GFAP: variants seen among roughly 807,000 people sequenced by gnomAD.
GFAP encodes the protein glial fibrillary acidic protein, also known as intermediate filament protein.
A neutral mutation model predicts 49.3 loss-of-function variants in GFAP; 38 were observed. That is an observed-to-expected ratio of 0.77 (90% CI 0.60 to 1.01). GFAP has a LOEUF of 1.01. GFAP is among the 50% of genes least tolerant of loss of function. The pLI is 0.00. For missense variants in GFAP, 463 were observed against 579.1 expected, an observed-to-expected ratio of 0.80 and a Z score of 2.06; for synonymous variants, 222 against 236.4, an observed-to-expected ratio of 0.94 and a Z score of 0.56.
chr17:44,910,310 G>T, intron 7 of GFAP: 1 of 1,613,730 alleles, frequency 6.2e-7, no homozygotes, highest in Non-Finnish European at 8.5e-7. Context: ...ACTCAGAAGG[G>T]CAGTGCTTGC....
chr17:44,908,487 T>G, intron 7 of GFAP: 1 of 191,768 alleles, frequency 5.2e-6, no homozygotes, highest in Non-Finnish European at 1.1e-5. Context: ...GCCATCATTT[T>G]GGGAGGCTGA....
At position 44,904,426 on chromosome 17, in the gene GFAP, C is replaced by T. The variant is rs1366770674; in HGVS notation, c.*2921G>A. On this transcript the variant is annotated 3_prime_UTR_variant, in exon 9 of 9. Coordinates refer to ENST00000588735, the MANE Select transcript of GFAP (RefSeq NM_002055.5). ...GCCTCTGCTACCTGCAGAGCCCAGA[C>T]CTCTCCCCACGCTACCTCAAGGCCG... The T allele has an allele frequency of 7.8e-6, 12 of 1,541,852 alleles. No individual in the cohort carries two copies. The East Asian group carries it at 1.7e-4, about 22-fold the overall frequency.
rs922255682 is a variant in GFAP, at chr17:44,904,553, C to T, written c.*2794G>A. ...GGTGCTGGTTCGGAGCTGCTTAGTA[C>T]CCTGTGAGAAGACAAAGACCATCCG... On this transcript the variant is annotated 3_prime_UTR_variant, in exon 9 of 9. Coordinates refer to ENST00000588735, the MANE Select transcript of GFAP (RefSeq NM_002055.5). 4 of 1,550,588 alleles carry T rather than the reference C, an allele frequency of 2.6e-6. No homozygotes were observed. Among genetic ancestry groups the T allele is most frequent in the Non-Finnish European group, 3.5e-6 (4 of 1,146,994 alleles).
At chr17:44,910,686 C>A (rs746445591) in intron 6 of GFAP, 28 bp from the exon 7 acceptor site, 11 of 1,578,178 alleles carry the variant, frequency 7.0e-6, no homozygotes, top group Non-Finnish European at 9.5e-6. Context: ...GAGAGGGCTG[C>A]CCGGGCTGCC....
At chr17:44,911,499 C>G (rs569574525) in intron 5 of GFAP, 43 bp from the exon 6 acceptor site, 1 of 1,567,294 alleles carries the variant, frequency 6.4e-7, no homozygotes. Flanking sequence ...CCCGACCCGA[C>G]TTGGGGAGGT....
Position 44,911,234 on chromosome 17 carries a change from A to G in GFAP, c.1127+2T>C. Reference sequence around the variant, plus strand: ...TCCCCAGGGGCTGTGATGAGGGCTCACCGGTTCTCCTCGCCCTCTAGCAGC... The same window carrying G: ...TCCCCAGGGGCTGTGATGAGGGCTCGCCGGTTCTCCTCGCCCTCTAGCAGC... On this transcript the variant is annotated splice_donor_variant, in intron 6 of 8. Transcript: ENST00000588735. LOFTEE classifies it high-confidence loss of function. 1 of 1,613,158 alleles carries G rather than the reference A, an allele frequency of 6.2e-7. No individual in the cohort carries two copies. Among genetic ancestry groups the G allele is most frequent in the Non-Finnish European group, 8.5e-7 (1 of 1,179,380 alleles).
At chr17:44,910,718 C>G in intron 6 of GFAP, 60 bp from the exon 7 acceptor site, 1 of 1,559,440 alleles carries the variant, frequency 6.4e-7, no homozygotes, top group Non-Finnish European at 8.7e-7. Flanking sequence ...TAGGCTGGGT[C>G]TTGGTGCGGG....
rs752589889 is a variant in GFAP, at chr17:44,915,103, A to G, written c.384T>C (p.Asp128=). 54 of 1,613,398 alleles carry G rather than the reference A, an allele frequency of 3.3e-5. No individual in the cohort carries two copies. Among genetic ancestry groups the G allele is most frequent in the Non-Finnish European group, 4.4e-5 (52 of 1,179,996 alleles). ...AELRELRLRL[D]QLTANSARLE... ...GCCGGGCGCTGTTGGCGGTGAGTTG[A>G]TCGAGCCGCAGCCGCAGCTCTCGCA... Residue 128 remains aspartate, a synonymous_variant, in exon 1 of 9, where the codon GAT becomes GAC. Transcript: ENST00000588735. This position sits in a 1 kb window ranked among gnomAD's most constrained non-coding sequence, Gnocchi z 4.1.
At chr17:44,909,856 A>G in intron 7 of GFAP, 1 of 1,267,688 alleles carries the variant, frequency 7.9e-7, no homozygotes, top group South Asian at 2.0e-5. Context: ...TGACAGGAAG[A>G]GGTGAGACAG....
chr17:44,910,746 A>G, intron 6 of GFAP, 88 bp from the exon 7 acceptor site: 1 of 1,536,222 alleles, frequency 6.5e-7, no homozygotes, highest in South Asian at 1.2e-5. Flanking sequence ...TGACAACTTG[A>G]ACGCCCTTTT....
intron 6 of GFAP, 136 bp from the exon 7 acceptor site, chr17:44,910,794 T>C: frequency 7.6e-7 from 1 of 1,319,864 alleles, no homozygotes; most frequent in Non-Finnish European, 1.0e-6. Context: ...CCTAGCTTTT[T>C]CCCCAGCAGC....
intron 7 of GFAP, 123 bp downstream of exon 7, chr17:44,910,492 A>G (rs1235915210): frequency 1.3e-6 from 2 of 1,553,314 alleles, no homozygotes; most frequent in African/African-American, 1.4e-5. Flanking sequence ...AGTGTCACGA[A>G]GGCCCCCAGG....
rs2051820868 is a variant in GFAP at position 44,913,416 on chromosome 17, G to A, written c.633C>T (p.Leu211=). Residue 211 remains leucine (L), a synonymous_variant, in exon 4 of 9, where the codon CTC becomes CTT. Coordinates refer to ENST00000588735, the MANE Select transcript of GFAP (RefSeq NM_002055.5). ...CCTGCTGTCGGGCCAGCTGCTCCTG[G>A]AGTTCCCGAACCTCCTGACCAGGGT... is the stretch of plus-strand genomic sequence containing the variant. ...RKIHEEEVRE[L]QEQLARQQVH... is the part of the protein sequence containing the mutation. 6.2e-7 allele frequency: 1 copy of A among 1,613,936 alleles called. No individual in the cohort carries two copies. Among genetic ancestry groups the A allele is most frequent in the African/African-American group, 1.3e-5 (1 of 74,924 alleles).
intron 1 of GFAP, 171 bp downstream of exon 1, chr17:44,914,855 T>G: frequency 1.6e-6 from 1 of 634,164 alleles, no homozygotes; most frequent in South Asian, 1.9e-5. Flanking sequence ...GCCCTGGGCC[T>G]GTTTCTGGTC....
rs756570318 is a variant in GFAP at position 44,912,118 on chromosome 17, T to TG, written c.781-322_781-321insC. Reference sequence around the variant, plus strand: ...CTGGGTGTTTTGTGTGTTTTTGTTTTTTTGTTTTTTTTGTTTTATTTTGAG... The same window carrying TG: ...CTGGGTGTTTTGTGTGTTTTTGTTTTGTTTGTTTTTTTTGTTTTATTTTGAG... On this transcript the variant is annotated intron_variant, in intron 4 of 8. Coordinates refer to ENST00000588735, the MANE Select transcript of GFAP (RefSeq NM_002055.5). 1.8e-3 allele frequency among the ~76,000 whole-genome samples: 272 copies of TG among 150,936 alleles called. 2 individuals are homozygous for TG. The highest frequency in any genetic ancestry group is 4.6e-3 in the South Asian group (22 of 4,802).
intron 6 of GFAP, 108 bp from the exon 7 acceptor site, chr17:44,910,766 G>GA: frequency 6.7e-7 from 1 of 1,500,108 alleles, no homozygotes; most frequent in Non-Finnish European, 9.0e-7. Context: ...TCCTTGCCAG[G>GA]AAAGTCTAAC....
At chr17:44,912,877 A>G (rs540714177) in intron 4 of GFAP, 16 of 291,162 alleles carry the variant, frequency 5.5e-5, no homozygotes, top group African/African-American at 3.5e-4. Flanking sequence ...GCAGGCTCCC[A>G]AGTGAGATGT....
At position 44,914,329 on chromosome 17, in the gene GFAP, T is replaced by C. The variant is rs187325451; in HGVS notation, c.462-241A>G. On this transcript the variant is annotated intron_variant, in intron 1 of 8. Transcript: ENST00000588735. ...TCAGGGTTGGTGCACCTGCTTCTGC[T>C]CACACAGGCGCATCCACAAGCATAC... 5.8e-4 allele frequency: 324 copies of C among 560,488 alleles called. 2 individuals carry two copies. Among genetic ancestry groups the C allele is most frequent in the Non-Finnish European group, 2.2e-4 (70 of 311,502 alleles). 34.7% of individuals were successfully genotyped at this position (560,488 alleles called of 1,614,324 possible).
rs746549043 is a variant in GFAP at position 44,905,067 on chromosome 17, C to G, written c.*2280G>C. On this transcript the variant is annotated 3_prime_UTR_variant, in exon 9 of 9. Coordinates refer to ENST00000588735, the MANE Select transcript of GFAP (RefSeq NM_002055.5). ...TTTCACTGTTGTCCCAGCTTCTCCC[C>G]CTAGGAGCTCTCTTCAGCTCTGAAG... 1.5e-5 allele frequency: 23 copies of G among 1,535,318 alleles called. No individual in the cohort carries two copies. The South Asian group carries it at 2.4e-4, about 16-fold the overall frequency.
Sources: allele counts gnomAD v4.1 joint callset (sites outside exome capture counted in the v4.1 genomes callset), GRCh38; gene constraint gnomAD v4.1.1; non-coding constraint Gnocchi (gnomAD v3.1); transcripts MANE v1.5; gene names NCBI Gene and HGNC (gene_info 2026-07-23, HGNC 2026-07-21).